TRAK2: variants seen among roughly 807,000 people sequenced by gnomAD.
TRAK2 encodes trafficking kinesin-binding protein 2.
A neutral mutation model predicts 104.6 loss-of-function variants in TRAK2; 81 were observed. That is an observed-to-expected ratio of 0.77 (90% CI 0.65 to 0.93). TRAK2 has a LOEUF of 0.93. Among genes scored for constraint, TRAK2 ranks in the 40% least tolerant of loss-of-function variants. TRAK2 has a pLI of 0.00. For synonymous variants in TRAK2, 406 were observed against 394.4 expected, an observed-to-expected ratio of 1.03 and a Z score of -0.35; for missense variants, 1,002 against 1,089.0, an observed-to-expected ratio of 0.92 and a Z score of 1.12.
Position 201,447,619 on chromosome 2 carries a change from A to G in TRAK2, c.-200+3731T>C, listed in dbSNP as rs1239835004. ...ACTCCTGTGTCTCTTTTTGTGCTCA[A>G]ATTTCCTTCTTATAAGGAAAACTGT... On this transcript the variant is annotated intron_variant, in intron 1 of 15. Coordinates refer to ENST00000332624, the MANE Select transcript of TRAK2 (RefSeq NM_015049.3). This position sits in a 1 kb window ranked among gnomAD's most constrained non-coding sequence, Gnocchi z 4.1. Among the ~76,000 whole-genome samples, 4 of 152,038 alleles carry G rather than the reference A, an allele frequency of 2.6e-5. No homozygotes were observed. The highest frequency in any genetic ancestry group is 6.5e-5 in the Admixed American group (1 of 15,270).
At chr2:201,433,682 T>A (rs963702472) in intron 1 of TRAK2, 7 of 152,214 alleles carry the variant, frequency 4.6e-5, no homozygotes, top group Admixed American at 1.3e-4. Flanking sequence ...CTCTGGCAGC[T>A]AAGGAATCCC....
chr2:201,441,730 C>T (rs988662015), intron 1 of TRAK2, among the ~76,000 whole-genome samples: 1 of 149,042 alleles, frequency 6.7e-6, no homozygotes, highest in Non-Finnish European at 1.5e-5. Context: ...CTTGCTCTGT[C>T]GACCAGGCAG....
intron 12 of TRAK2, 40 bp from the exon 13 acceptor site, chr2:201,388,041 C>A: frequency 6.3e-7 from 1 of 1,597,074 alleles, no homozygotes; most frequent in South Asian, 1.1e-5. Flanking sequence ...TCTTGAGGAT[C>A]ATCAGCATGA....
At position 201,386,226 on chromosome 2, in the gene TRAK2, G is replaced by C. The variant is rs1162636824; in HGVS notation, c.1955C>G (p.Pro652Arg). 1.2e-6 allele frequency: 2 copies of C among 1,613,968 alleles called. No homozygotes were observed. Among genetic ancestry groups the C allele is most frequent in the East Asian group, 4.5e-5 (2 of 44,902 alleles). ...FLPPITSAGG[P>R]VTVATANPGK... Reference sequence around the variant, plus strand: ...CCAGACACTCTTCTCACCTGTAACTGGTCCACCTGCTGAAGTAATGGGTGG... The same window carrying C: ...CCAGACACTCTTCTCACCTGTAACTCGTCCACCTGCTGAAGTAATGGGTGG... The change falls in exon 14 of 16, where the codon CCA becomes CGA. Residue 652 changes from proline to arginine, a missense_variant. Physicochemically the swap from Pro to Arg is moderately radical, Grantham distance 103 (BLOSUM62 -2). Transcript: ENST00000332624.
Position 201,420,544 on chromosome 2 carries a change from T to A in TRAK2, c.-37A>T, listed in dbSNP as rs202181092. 8 of 1,534,562 alleles carry A rather than the reference T, an allele frequency of 5.2e-6. No individual in the cohort carries two copies. The East Asian group carries it at 1.8e-4, about 34-fold the overall frequency. On this transcript the variant is annotated 5_prime_UTR_variant, in exon 2 of 16. It adds an upstream start codon to the 5' untranslated region. Transcript: ENST00000332624. The stretch of plus-strand genomic sequence containing the variant: ...TCTTGCTTTGGTTGAGAAGGACAGC[T>A]TTGGTATGAATCAGAGTAAAGGAAA...
intron 1 of TRAK2, among the ~76,000 whole-genome samples, chr2:201,449,826 G>A (rs895133326): frequency 6.6e-6 from 1 of 151,972 alleles, no homozygotes; most frequent in Non-Finnish European, 1.5e-5. Flanking sequence ...TGTATTTTTA[G>A]TAGAGACGGG....
In TRAK2 at chr2:201,398,261, A is replaced by C; in HGVS notation, c.574T>G (p.Ser192Ala). Reference sequence around the variant, plus strand: ...GACTCATTGAACCGAAGAGGTGTAGAACAGCTGGAATCAGTTTCACTTTCT... The same window carrying C: ...GACTCATTGAACCGAAGAGGTGTAGCACAGCTGGAATCAGTTTCACTTTCT... ...SEESETDSSC[S>A]TPLRFNESFS... Residue 192 changes from serine (S) to alanine (A), a missense_variant, in exon 6 of 16, where the codon TCT becomes GCT. By Grantham distance (99) the Ser-to-Ala change is moderately conservative. Coordinates refer to ENST00000332624, the MANE Select transcript of TRAK2 (RefSeq NM_015049.3). 1 of 1,613,794 alleles carries C rather than the reference A, an allele frequency of 6.2e-7. No individual in the cohort carries two copies. The highest frequency in any genetic ancestry group is 8.5e-7 in the Non-Finnish European group (1 of 1,179,752).
At chr2:201,417,809 T>A (rs1559448663) in intron 2 of TRAK2, among the ~76,000 whole-genome samples, 1 of 152,160 alleles carries the variant, frequency 6.6e-6, no homozygotes, top group Non-Finnish European at 1.5e-5. Flanking sequence ...ATGGTGTATG[T>A]AGAAAACTAA....
chr2:201,398,452 A>G, intron 5 of TRAK2, 98 bp from the exon 6 acceptor site: 1 of 1,158,440 alleles, frequency 8.6e-7, no homozygotes, highest in Non-Finnish European at 1.2e-6. Context: ...TCATCACAAA[A>G]GAAAATCACA....
intron 2 of TRAK2, among the ~76,000 whole-genome samples, chr2:201,408,873 A>AT (rs914150582): frequency 4.6e-5 from 7 of 152,346 alleles, no homozygotes; most frequent in Admixed American, 6.5e-5. Context: ...AAGTCATTAA[A>AT]TTTTTTTAAA....
chr2:201,387,842 T>C lies in TRAK2; in HGVS notation c.1557A>G (p.Glu519=). The C allele has an allele frequency of 6.2e-7, 1 of 1,614,188 alleles. No individual in the cohort carries two copies. The highest frequency in any genetic ancestry group is 2.2e-5 in the East Asian group (1 of 44,884). Residue 519 remains glutamate (E), a synonymous_variant, in exon 13 of 16, where the codon GAA becomes GAG. Coordinates refer to ENST00000332624, the MANE Select transcript of TRAK2 (RefSeq NM_015049.3). ...TCGGGGTGACACAGCCACTAACTCC[T>C]TCCTTCTGGTCTGCCAGAACCTGGA... ...RKIQVLADQK[E]GVSGCVTPTE...
intron 2 of TRAK2, chr2:201,412,979 C>T: frequency 1.3e-6 from 1 of 773,320 alleles, no homozygotes; most frequent in African/African-American, 1.7e-5. Context: ...CAAGCAATCC[C>T]TGGATTCTTC....
At chr2:201,450,977 C>G (rs977091929) in intron 1 of TRAK2, among the ~76,000 whole-genome samples, 1 of 152,226 alleles carries the variant, frequency 6.6e-6, no homozygotes, top group African/African-American at 2.4e-5. Flanking sequence ...TCTCCTCCCA[C>G]TTACATCACA....
chr2:201,393,576 T>C (rs1951467913), intron 9 of TRAK2, among the ~76,000 whole-genome samples: 1 of 152,186 alleles, frequency 6.6e-6, no homozygotes, highest in Non-Finnish European at 1.5e-5. Flanking sequence ...TCAGAGTATA[T>C]TTTAACTGTA....
chr2:201,389,280 T>C lies in TRAK2; in HGVS notation c.1397+20A>G, dbSNP rs756356096. On this transcript the variant is annotated intron_variant, in intron 12 of 15. Transcript: ENST00000332624. ...AATGTGAAAAGAAATGCAGAATCACTGTTATCATCGGATTCCTACCCTGCA... is the reference window on the plus strand; with the variant it reads ...AATGTGAAAAGAAATGCAGAATCACCGTTATCATCGGATTCCTACCCTGCA... 31 of 1,608,890 alleles carry C rather than the reference T, an allele frequency of 1.9e-5. No homozygotes were observed. The highest frequency in any genetic ancestry group is 4.0e-5 in the African/African-American group (3 of 74,820).
At chr2:201,382,109 C>T (rs1439049139) in intron 15 of TRAK2, among the ~76,000 whole-genome samples, 4 of 152,266 alleles carry the variant, frequency 2.6e-5, no homozygotes, top group East Asian at 3.9e-4. Context: ...TTCCATGCCT[C>T]GGTTTACTTT....
chr2:201,422,518 C>T (rs866581515), intron 1 of TRAK2, among the ~76,000 whole-genome samples: 10 of 151,936 alleles, frequency 6.6e-5, no homozygotes, highest in Non-Finnish European at 1.2e-4. Context: ...AAGAGAGTTA[C>T]CCTCAAGAAG....
chr2:201,423,050 C>CAT (rs1951756959), intron 1 of TRAK2, among the ~76,000 whole-genome samples: 1 of 146,240 alleles, frequency 6.8e-6, no homozygotes, highest in Admixed American at 6.8e-5. Context: ...CACACACACA[C>CAT]ACACACACAC....
chr2:201,415,248 A>G (rs1044024928), intron 2 of TRAK2, among the ~76,000 whole-genome samples: 2 of 152,182 alleles, frequency 1.3e-5, no homozygotes, highest in African/African-American at 4.8e-5. Flanking sequence ...CAAATAACTT[A>G]AAGTCTTGCC....
Sources: gnomAD v4.1 joint callset for allele counts (sites outside exome capture counted in the v4.1 genomes callset) on GRCh38, gnomAD v4.1.1 for gene constraint, Gnocchi (gnomAD v3.1) non-coding constraint, MANE v1.5 for transcripts, NCBI Gene and HGNC (gene_info 2026-07-23, HGNC 2026-07-21) for gene names.